KCNN2: variants seen among roughly 807,000 people sequenced by gnomAD.
KCNN2 encodes potassium calcium-activated channel subfamily N member 2.
A neutral mutation model predicts 55.5 loss-of-function variants in KCNN2; 24 were observed. The observed-to-expected ratio is 0.43, with a 90% CI of 0.31 to 0.61. KCNN2 has a LOEUF of 0.61. Among genes scored for constraint, KCNN2 ranks in the 20% least tolerant of loss-of-function variants. The probability of loss-of-function intolerance (pLI) is 0.08; values close to 1 mark genes in which losing one functional copy is unlikely to be tolerated. For missense variants in KCNN2, 754 were observed against 853.6 expected (o/e 0.88, Z 1.45); for synonymous variants, 431 against 336.1 (o/e 1.28, Z -3.09).
intron 2 of KCNN2, among the ~76,000 whole-genome samples, chr5:114,342,327 T>G (rs1210443444): frequency 6.6e-6 from 1 of 152,128 alleles, no homozygotes; most frequent in African/African-American, 2.4e-5. Context: ...GAAAAGCAAA[T>G]TAAACTGACA....
intron 1 of KCNN2, among the ~76,000 whole-genome samples, chr5:114,135,427 T>C (rs755172087): frequency 4.6e-5 from 7 of 152,182 alleles, no homozygotes; most frequent in Non-Finnish European, 8.8e-5. Flanking sequence ...AAAGTTTGCA[T>C]CTAAATATTA....
intron 3 of KCNN2, among the ~76,000 whole-genome samples, chr5:114,443,328 G>C (rs1230768944): frequency 1.3e-5 from 2 of 151,500 alleles, no homozygotes; most frequent in African/African-American, 4.8e-5. Context: ...AAAAAAAAGA[G>C]GCTTAAGAAC....
chr5:114,270,916 G>A (rs540128079), intron 2 of KCNN2, among the ~76,000 whole-genome samples: 21 of 152,280 alleles, frequency 1.4e-4, no homozygotes, highest in African/African-American at 5.1e-4. Flanking sequence ...CTTCAGGAGT[G>A]AAGCTGCAGA....
intron 1 of KCNN2, among the ~76,000 whole-genome samples, chr5:114,204,191 C>T (rs1004941209): frequency 1.3e-5 from 2 of 152,058 alleles, no homozygotes; most frequent in East Asian, 1.9e-4. Context: ...CTAACATCCT[C>T]CCCCATCCCA....
chr5:114,485,624 AGTG>A (rs1314759696), intron 5 of KCNN2, among the ~76,000 whole-genome samples: 29 of 152,142 alleles, frequency 1.9e-4, no homozygotes, highest in African/African-American at 6.8e-4. Flanking sequence ...ACTTATACGC[AGTG>A]CTGGCACTTG....
intron 3 of KCNN2, among the ~76,000 whole-genome samples, chr5:114,458,005 C>T (rs1052248633): frequency 2.0e-5 from 3 of 152,162 alleles, no homozygotes; most frequent in African/African-American, 7.2e-5. Flanking sequence ...AAGCAAATTA[C>T]ACAGTAATTG....
At chr5:114,096,524 C>T (rs145427742) in intron 1 of KCNN2, among the ~76,000 whole-genome samples, 4 of 152,230 alleles carry the variant, frequency 2.6e-5, no homozygotes, top group African/African-American at 9.6e-5. Flanking sequence ...CATGTGGTAT[C>T]ATTCTCCTCT....
chr5:114,338,980 C>T lies in KCNN2; in HGVS notation c.-184-21965C>T, dbSNP rs1215458409. Among the ~76,000 whole-genome samples, 3 of 152,306 alleles carry T rather than the reference C, an allele frequency of 2.0e-5. 1 individual carries two copies. The East Asian group carries it at 5.8e-4, about 29-fold the overall frequency. On this transcript the variant is annotated intron_variant, in intron 2 of 10. Transcript: ENST00000512097. ...CAGGAATCAAGGAGGGTCTCTTTGA[C>T]CTTGGGCCATTAAAGAACTCTGAGA...
intron 1 of KCNN2, among the ~76,000 whole-genome samples, chr5:114,218,188 A>G (rs1458168962): frequency 6.6e-6 from 1 of 152,202 alleles, no homozygotes; most frequent in Non-Finnish European, 1.5e-5. Flanking sequence ...CTTCTTACAA[A>G]ACTAAACATA....
intron 1 of KCNN2, among the ~76,000 whole-genome samples, chr5:114,191,762 G>T (rs1018857580): frequency 2.6e-5 from 4 of 152,110 alleles, no homozygotes; most frequent in Non-Finnish European, 5.9e-5. Context: ...GGATAATTTT[G>T]GCCTTGGAAC....
intron 3 of KCNN2, among the ~76,000 whole-genome samples, chr5:114,459,488 T>C (rs1019736236): frequency 6.6e-6 from 1 of 152,206 alleles, no homozygotes; most frequent in Non-Finnish European, 1.5e-5. Context: ...TGTCATAGAT[T>C]AAAAACCTGG....
At chr5:114,150,453 T>G (rs1561496753) in intron 1 of KCNN2, among the ~76,000 whole-genome samples, 1 of 152,138 alleles carries the variant, frequency 6.6e-6, no homozygotes, top group Admixed American at 6.6e-5. Flanking sequence ...AATGTTTGGT[T>G]TACAAAGATA....
intron 2 of KCNN2, among the ~76,000 whole-genome samples, chr5:114,340,274 T>C (rs1048727528): frequency 6.6e-6 from 1 of 152,316 alleles, no homozygotes; most frequent in Non-Finnish European, 1.5e-5. Context: ...TTAATTGTGT[T>C]CTATTTAAGT....
chr5:114,300,635 C>T (rs1756135213), intron 2 of KCNN2, among the ~76,000 whole-genome samples: 2 of 152,116 alleles, frequency 1.3e-5, no homozygotes, highest in South Asian at 2.1e-4. Context: ...TGGAGTTGTT[C>T]TCAGTTATTT....
chr5:114,473,795 C>T (rs543057261), intron 5 of KCNN2, among the ~76,000 whole-genome samples: 1 of 152,272 alleles, frequency 6.6e-6, no homozygotes, highest in East Asian at 1.9e-4. Flanking sequence ...ACTTCATCCT[C>T]ATAACAGCGT....
At chr5:114,428,469 A>G (rs1759693367) in intron 3 of KCNN2, among the ~76,000 whole-genome samples, 1 of 152,126 alleles carries the variant, frequency 6.6e-6, no homozygotes, top group Admixed American at 6.5e-5. Context: ...TCTTTAGAAA[A>G]ACATGTTTTA....
At chr5:114,478,608 C>A (rs1030462487) in intron 5 of KCNN2, among the ~76,000 whole-genome samples, 3 of 151,510 alleles carry the variant, frequency 2.0e-5, no homozygotes, top group African/African-American at 7.3e-5. Flanking sequence ...TCAGATTCTC[C>A]AAGGTCAAAA....
At chr5:114,165,906 AT>A (rs1010362999) in intron 1 of KCNN2, among the ~76,000 whole-genome samples, 1 of 151,988 alleles carries the variant, frequency 6.6e-6, no homozygotes, top group African/African-American at 2.4e-5. Flanking sequence ...CTAACCCCAC[AT>A]TTTTCAAGGG....
chr5:114,482,531 T>C (rs1762271254), intron 5 of KCNN2, among the ~76,000 whole-genome samples: 1 of 152,194 alleles, frequency 6.6e-6, no homozygotes, highest in South Asian at 2.1e-4. Context: ...ACTGGGTACA[T>C]ACCCAAAGGA....
Sources: gnomAD v4.1 joint callset for allele counts (sites outside exome capture counted in the v4.1 genomes callset) on GRCh38, gnomAD v4.1.1 for gene constraint, MANE v1.5 for transcripts, NCBI Gene and HGNC (gene_info 2026-07-23, HGNC 2026-07-21) for gene names.